Variants in ANLN observed in about 807,000 individuals in gnomAD.
ANLN encodes the protein anillin, actin binding protein.
A neutral mutation model predicts 135.1 loss-of-function variants in ANLN; 59 were observed. The observed-to-expected ratio is 0.44, with a 90% CI of 0.35 to 0.54. The LOEUF (loss-of-function observed/expected upper bound fraction) is 0.54, where lower values mean the gene tolerates loss of function less well. Ranked by LOEUF, ANLN falls within the 20% of genes least tolerant of loss-of-function variation. The probability of loss-of-function intolerance (pLI) is 0.00; values close to 1 mark genes in which losing one functional copy is unlikely to be tolerated. For synonymous variants in ANLN, 406 were observed against 456.4 expected (o/e 0.89, Z 1.41); for missense variants, 1,182 against 1,340.0 (o/e 0.88, Z 1.84).
intron 5 of ANLN, among the ~76,000 whole-genome samples, chr7:36,408,536 C>T (rs1369969248): frequency 3.3e-5 from 5 of 152,080 alleles, no homozygotes; most frequent in African/African-American, 4.8e-5. Context: ...ATCAGTGTAA[C>T]GAGGATATCC....
chr7:36,437,468 T>C (rs189467071), intron 20 of ANLN, among the ~76,000 whole-genome samples: 261 of 152,384 alleles, frequency 1.7e-3, no homozygotes, highest in Non-Finnish European at 3.0e-3. Flanking sequence ...ATCTCTTAGC[T>C]ATTGTGAATA....
chr7:36,446,434 C>T (rs1335386003), intron 22 of ANLN, among the ~76,000 whole-genome samples: 2 of 152,144 alleles, frequency 1.3e-5, no homozygotes, highest in African/African-American at 4.8e-5. Flanking sequence ...TTTAAATTGG[C>T]TCCTGATTCT....
At chr7:36,392,798 C>G (rs557966765) in intron 1 of ANLN, among the ~76,000 whole-genome samples, 1 of 151,748 alleles carries the variant, frequency 6.6e-6, no homozygotes, top group South Asian at 2.1e-4. Context: ...AGCAATAGAA[C>G]ATTCATATAC....
chr7:36,403,842 A>G (rs1403913154), intron 3 of ANLN, among the ~76,000 whole-genome samples: 3 of 151,966 alleles, frequency 2.0e-5, no homozygotes, highest in Admixed American at 6.6e-5. Context: ...TAGATGTTGC[A>G]TTTTTCGTAG....
At chr7:36,402,354 C>T (rs59606334) in intron 3 of ANLN, among the ~76,000 whole-genome samples, 4,448 of 151,248 alleles carry the variant, frequency 0.029, 255 homozygotes, top group East Asian at 0.22. Flanking sequence ...CTCAGGTGAT[C>T]CACCCGCCTC....
At chr7:36,413,576 G>T (rs186317446) in intron 7 of ANLN, among the ~76,000 whole-genome samples, 2 of 152,204 alleles carry the variant, frequency 1.3e-5, no homozygotes, top group African/African-American at 4.8e-5. Context: ...CTCCCAGAAA[G>T]TTGCACATAT....
chr7:36,449,933 T>C, intron 23 of ANLN, 96 bp downstream of exon 23: 1 of 1,232,620 alleles, frequency 8.1e-7, no homozygotes, highest in East Asian at 2.5e-5. Context: ...GTCCTTGACG[T>C]TGAAAAGGGC....
chr7:36,404,589 C>T lies in ANLN; in HGVS notation c.488-1592C>T, dbSNP rs144465041. Among the ~76,000 whole-genome samples, 364 of 152,292 alleles carry T rather than the reference C, an allele frequency of 2.4e-3. 1 individual carries two copies. Among genetic ancestry groups the T allele is most frequent in the African/African-American group, 8.2e-3 (342 of 41,554 alleles). On this transcript the variant is annotated intron_variant, in intron 3 of 23. Coordinates refer to ENST00000265748, the MANE Select transcript of ANLN (RefSeq NM_018685.5). ...CATTTTTACCATAGATCTTAGCAAC[C>T]TCAGCGTATTATTTTCTTTCCTTAT...
chr7:36,404,859 C>T (rs1323292536), intron 3 of ANLN, among the ~76,000 whole-genome samples: 1 of 152,138 alleles, frequency 6.6e-6, no homozygotes, highest in Non-Finnish European at 1.5e-5. Context: ...GATTCATATC[C>T]TGGTCAGATG....
chr7:36,395,668 T>C (rs1413964157), intron 1 of ANLN, among the ~76,000 whole-genome samples: 3 of 152,002 alleles, frequency 2.0e-5, no homozygotes, highest in Non-Finnish European at 4.4e-5. Context: ...GGTCAACAAT[T>C]TGTATTGTGC....
At position 36,411,086 on chromosome 7, in the gene ANLN, C is replaced by T. The variant is rs1032999052; in HGVS notation, c.1315C>T (p.Arg439Cys). ...ACGTCAAAAAGAACTAGCATGTCTT[C>T]GTGGCCGATTTGACAAGGGCAATAT... Reference protein sequence around the residue: ...QERQKELACLRGRFDKGNIWS... With the variant: ...QERQKELACLCGRFDKGNIWS... Residue 439 changes from arginine to cysteine, a missense_variant, in exon 7 of 24, where the codon CGT becomes TGT. Arg to Cys is a radical substitution (Grantham distance 180, BLOSUM62 -3). Around this residue, in one of 3 missense-constraint regions of ANLN, gnomAD observed 1,022 missense variants for 1,134.0 expected, o/e 0.90. Coordinates refer to ENST00000265748, the MANE Select transcript of ANLN (RefSeq NM_018685.5). 6.2e-6 allele frequency: 10 copies of T among 1,609,314 alleles called. No individual in the cohort carries two copies. The highest frequency in any genetic ancestry group is 7.6e-6 in the Non-Finnish European group (9 of 1,179,086).
intron 4 of ANLN, 93 bp downstream of exon 4, chr7:36,406,659 G>T: frequency 6.9e-6 from 8 of 1,154,052 alleles, no homozygotes; most frequent in Non-Finnish European, 9.2e-6. Flanking sequence ...TGGATGGGTG[G>T]ATATATGTTT....
intron 12 of ANLN, among the ~76,000 whole-genome samples, chr7:36,421,270 G>T (rs1215196301): frequency 1.3e-5 from 2 of 152,008 alleles, no homozygotes; most frequent in Admixed American, 1.3e-4. Flanking sequence ...GTTTCACTAT[G>T]TTGGTCAGGC....
At position 36,422,561 on chromosome 7, in the gene ANLN, A is replaced by C. The variant is rs951910165; in HGVS notation, c.2300-72A>C. 1.2e-5 allele frequency: 16 copies of C among 1,349,718 alleles called. No individual in the cohort carries two copies. The Admixed American group carries it at 1.5e-4, about 13-fold the overall frequency. The allele number at this position is 1,349,718 out of a possible 1,614,324, so 83.6% of individuals were successfully genotyped here. The stretch of plus-strand genomic sequence containing the variant: ...TTACGTACAGTTTCCATATCAGTAC[A>C]CTTTTTTGAATTTGCTCTCATTAGA... On this transcript the variant is annotated intron_variant, in intron 13 of 23. Transcript: ENST00000265748.
At chr7:36,420,441 G>T (rs1434123754) in intron 11 of ANLN, 127 bp downstream of exon 11, 3 of 1,336,762 alleles carry the variant, frequency 2.2e-6, no homozygotes, top group Admixed American at 2.2e-5. Context: ...AATAACTTTT[G>T]TTAGCCTCTC....
Position 36,422,719 on chromosome 7 carries a change from G to A in ANLN, c.2386G>A (p.Glu796Lys), listed in dbSNP as rs1787929241. Reference protein sequence around the residue: ...QRKNKASPQSEFMPSKGSVTL... With the variant: ...QRKNKASPQSKFMPSKGSVTL... Reference sequence around the variant, plus strand: ...GAAGAATAAGGCTAGTCCCCAAAGTGAATTTATGCCATCCAAAGGATCAGT... The same window carrying A: ...GAAGAATAAGGCTAGTCCCCAAAGTAAATTTATGCCATCCAAAGGATCAGT... Residue 796 changes from glutamate to lysine, a missense_variant, in exon 14 of 24, where the codon GAA becomes AAA. Glu to Lys is a moderately conservative substitution (Grantham distance 56). Around this residue, in one of 3 missense-constraint regions of ANLN, gnomAD observed 1,022 missense variants for 1,134.0 expected, o/e 0.90. Transcript: ENST00000265748. The A allele has an allele frequency of 6.2e-7, 1 of 1,613,064 alleles. No individual in the cohort carries two copies. The highest frequency in any genetic ancestry group is 1.7e-5 in the Admixed American group (1 of 59,680).
intron 3 of ANLN, among the ~76,000 whole-genome samples, chr7:36,404,572 C>T (rs1393742122): frequency 2.0e-5 from 3 of 152,158 alleles, no homozygotes; most frequent in Admixed American, 2.0e-4. Flanking sequence ...TTCATTTTTA[C>T]CATAGATCTT....
intron 19 of ANLN, 37 bp from the exon 20 acceptor site, chr7:36,426,879 C>A: frequency 1.5e-6 from 2 of 1,343,520 alleles, no homozygotes; most frequent in South Asian, 1.4e-5. Flanking sequence ...TAACAAAAGT[C>A]ATTCTGAACT....
chr7:36,410,741 G>A, intron 6 of ANLN, 37 bp downstream of exon 6: 1 of 1,579,450 alleles, frequency 6.3e-7, no homozygotes, highest in Non-Finnish European at 8.6e-7. Context: ...TCATCACATG[G>A]TCTCTGCATA....
Sources: allele counts gnomAD v4.1 joint callset (sites outside exome capture counted in the v4.1 genomes callset), GRCh38; gene constraint gnomAD v4.1.1; regional missense constraint gnomAD v4.1.1; transcripts MANE v1.5; gene names NCBI Gene and HGNC (gene_info 2026-07-23, HGNC 2026-07-21).